The following ARHGEF6 variants were observed in gnomAD, a reference collection of about 807,000 sequenced individuals.
ARHGEF6 encodes rho guanine nucleotide exchange factor 6.
Under a neutral mutation model 70.3 loss-of-function variants are expected in ARHGEF6, and 9 were observed. That is an observed-to-expected ratio of 0.13 (90% confidence interval 0.08 to 0.22). ARHGEF6 has a LOEUF of 0.22. ARHGEF6 is among the 10% of genes least tolerant of loss of function. ARHGEF6 has a pLI of 1.00. For synonymous variants in ARHGEF6, 201 were observed against 207.8 expected (o/e 0.97, Z 0.28); for missense variants, 470 against 563.0 (o/e 0.83, Z 1.67).
Position 136,747,705 on chromosome X carries a change from A to G in ARHGEF6, c.250-113T>C, listed in dbSNP as rs957219637. 56 of 503,215 alleles carry G rather than the reference A, an allele frequency of 1.1e-4. No individual in the cohort carries two copies. The African/African-American group carries it at 1.3e-3, about 12-fold the overall frequency. 41.5% of individuals were successfully genotyped at this position (503,215 alleles called of 1,213,427 possible). A position where few individuals can be genotyped will look rare whatever the true frequency, so the allele number is the denominator to read the frequency against. ...TCCGGAAAAAAAAAAAAAAAAAAAAAGTGTAGAAGCCAAGACACAAACCTC... is the reference window on the plus strand; with the variant it reads ...TCCGGAAAAAAAAAAAAAAAAAAAAGGTGTAGAAGCCAAGACACAAACCTC... On this transcript the variant is annotated intron_variant, in intron 2 of 21. Coordinates refer to ENST00000250617, the MANE Select transcript of ARHGEF6 (RefSeq NM_004840.3).
At chrX:136,767,453 C>G (rs971245690) in intron 2 of ARHGEF6, 3 of 755,115 alleles carry the variant, frequency 4.0e-6, no homozygotes, top group Non-Finnish European at 4.7e-6. Context: ...CGCCCGCAAC[C>G]TCTCCAGCCC....
intron 5 of ARHGEF6, among the ~76,000 whole-genome samples, chrX:136,732,921 C>T (rs1469544854): frequency 9.0e-6 from 1 of 111,469 alleles, no homozygotes; most frequent in African/African-American, 3.3e-5. Context: ...TAATGGCAAG[C>T]ATACTTTTCT....
intron 12 of ARHGEF6, among the ~76,000 whole-genome samples, chrX:136,683,675 T>C (rs1203832592): frequency 2.7e-5 from 3 of 112,102 alleles, no homozygotes; most frequent in Non-Finnish European, 5.6e-5. Context: ...TGTGAGCCCC[T>C]TCAACAGATA....
chrX:136,682,685 G>A, intron 13 of ARHGEF6, 73 bp downstream of exon 13: 1 of 806,502 alleles, frequency 1.2e-6, no homozygotes, highest in Non-Finnish European at 1.9e-6. Flanking sequence ...TGCCATAGTG[G>A]AGATATTGCA....
chrX:136,775,947 CA>C (rs759859438), intron 2 of ARHGEF6, among the ~76,000 whole-genome samples: 1 of 110,299 alleles, frequency 9.1e-6, no homozygotes, highest in Non-Finnish European at 1.9e-5. Context: ...ACAACAGCTG[CA>C]AAAAAAATAA....
chrX:136,766,518 C>T (rs1269641332), intron 2 of ARHGEF6, among the ~76,000 whole-genome samples: 2 of 111,257 alleles, frequency 1.8e-5, no homozygotes, highest in Non-Finnish European at 3.8e-5. Context: ...TGTGAGTTAC[C>T]CCTCTATCCA....
At chrX:136,748,990 C>A (rs1232524279) in intron 2 of ARHGEF6, among the ~76,000 whole-genome samples, 2 of 111,949 alleles carry the variant, frequency 1.8e-5, no homozygotes, top group Non-Finnish European at 3.8e-5. Flanking sequence ...CTGCTTTATT[C>A]ATTTAATCAA....
At chrX:136,695,922 T>C (rs1226365933) in intron 9 of ARHGEF6, among the ~76,000 whole-genome samples, 3 of 112,089 alleles carry the variant, frequency 2.7e-5, no homozygotes, top group Non-Finnish European at 5.6e-5. Flanking sequence ...CTGTTCTTTG[T>C]ATGCTTGAAA....
intron 2 of ARHGEF6, among the ~76,000 whole-genome samples, chrX:136,753,701 T>C (rs1424292537): frequency 1.8e-5 from 2 of 112,289 alleles, no homozygotes; most frequent in Admixed American, 9.4e-5. Context: ...TAGAGAAATC[T>C]CTCTGGTGAG....
chrX:136,777,910 T>C (rs775014037), intron 2 of ARHGEF6, among the ~76,000 whole-genome samples: 1 of 110,267 alleles, frequency 9.1e-6, no homozygotes, highest in East Asian at 2.8e-4. Context: ...CATCATATGT[T>C]CTCACTTATA....
Position 136,722,271 on chromosome X carries a change from A to G in ARHGEF6, c.733-8901T>C, listed in dbSNP as rs746539162. ...AATCTTCATGACTTTCAATTTGGCA[A>G]TGGATTCTTGGGTGACACAAAAAGC... On this transcript the variant is annotated intron_variant, in intron 6 of 21. Coordinates refer to ENST00000250617, the MANE Select transcript of ARHGEF6 (RefSeq NM_004840.3). 1.2e-3 allele frequency among the ~76,000 whole-genome samples: 139 copies of G among 112,116 alleles called. No homozygotes were observed. The Middle Eastern group carries it at 0.018, about 15-fold the overall frequency.
chrX:136,702,148 AT>A (rs1477627456), intron 9 of ARHGEF6, among the ~76,000 whole-genome samples: 1 of 112,173 alleles, frequency 8.9e-6, no homozygotes, highest in Non-Finnish European at 1.9e-5. Context: ...AATTGAGAAT[AT>A]TCTGTTATAA....
intron 21 of ARHGEF6, among the ~76,000 whole-genome samples, chrX:136,668,597 G>A (rs1488840781): frequency 9.3e-6 from 1 of 107,296 alleles, no homozygotes; most frequent in Non-Finnish European, 1.9e-5. Flanking sequence ...TTGCCAGGCT[G>A]GAGTGCAGTG....
chrX:136,738,760 C>T (rs1044311270), intron 5 of ARHGEF6, among the ~76,000 whole-genome samples: 25 of 112,582 alleles, frequency 2.2e-4, no homozygotes, highest in African/African-American at 6.8e-4. Flanking sequence ...GCCATTAAGG[C>T]GTTCACCATC....
intron 1 of ARHGEF6, among the ~76,000 whole-genome samples, chrX:136,780,146 A>C (rs1472356442): frequency 8.9e-6 from 1 of 112,112 alleles, no homozygotes; most frequent in Non-Finnish European, 1.9e-5. Context: ...AATTGTTTTA[A>C]AGAGAGTAAA....
intron 5 of ARHGEF6, among the ~76,000 whole-genome samples, chrX:136,739,316 C>A (rs773098274): frequency 1.8e-5 from 2 of 112,060 alleles, no homozygotes; most frequent in Non-Finnish European, 3.8e-5. Flanking sequence ...GCATCTTACT[C>A]AGTCCTTTGT....
rs375053756 is a variant in ARHGEF6, at chrX:136,679,526, C to A, written c.1830+9G>T. On this transcript the variant is annotated intron_variant, in intron 16 of 21. Coordinates refer to ENST00000250617, the MANE Select transcript of ARHGEF6 (RefSeq NM_004840.3). ...CAGAAGCATTTTATACCATAGGTAG[C>A]AAAATTACCTCTTTATAACCTAGTG... The A allele has an allele frequency of 2.4e-5, 29 of 1,209,399 alleles. No individual in the cohort carries two copies. The highest frequency in any genetic ancestry group is 1.7e-5 in the African/African-American group (1 of 57,277).
At chrX:136,754,488 G>C (rs1345813648) in intron 2 of ARHGEF6, among the ~76,000 whole-genome samples, 1 of 106,287 alleles carries the variant, frequency 9.4e-6, no homozygotes, top group Non-Finnish European at 1.9e-5. Context: ...AGGAGGCTGA[G>C]GTAGAAGAAT....
chrX:136,688,930 T>A (rs1465128425), intron 10 of ARHGEF6, among the ~76,000 whole-genome samples: 3 of 111,178 alleles, frequency 2.7e-5, no homozygotes, highest in Non-Finnish European at 5.7e-5. Flanking sequence ...AGACACAGAT[T>A]CTTATGGGTA....
Sources: gnomAD v4.1 joint callset for allele counts (sites outside exome capture counted in the v4.1 genomes callset) on GRCh38, gnomAD v4.1.1 for gene constraint, MANE v1.5 for transcripts, NCBI Gene and HGNC (gene_info 2026-07-23, HGNC 2026-07-21) for gene names.